WDFY4: variants seen among roughly 807,000 people sequenced by gnomAD.
WDFY4 encodes WD repeat- and FYVE domain-containing protein 4.
In WDFY4, 169 loss-of-function variants were observed where a neutral mutation model predicts 351.9. That is an observed-to-expected ratio of 0.48 (90% CI 0.42 to 0.55). The LOEUF is 0.55. WDFY4 is among the 20% of genes least tolerant of loss of function. WDFY4 has a pLI of 0.00. For missense variants in WDFY4, 3,803 were observed against 3,935.6 expected, an observed-to-expected ratio of 0.97 and a Z score of 0.90; for synonymous variants, 1,622 against 1,574.6, an observed-to-expected ratio of 1.03 and a Z score of -0.71.
intron 23 of WDFY4, among the ~76,000 whole-genome samples, chr10:48,792,635 T>C (rs1417038844): frequency 6.6e-6 from 1 of 152,206 alleles, no homozygotes; most frequent in Non-Finnish European, 1.5e-5. Context: ...TGTGACAATT[T>C]CTAAAAAGGC....
chr10:48,852,783 T>A (rs1169735633), intron 39 of WDFY4, among the ~76,000 whole-genome samples: 2 of 152,210 alleles, frequency 1.3e-5, no homozygotes, highest in African/African-American at 2.4e-5. Flanking sequence ...CTTCATGGGC[T>A]GTGTGTCCCA....
At chr10:48,885,616 C>T (rs973817968) in intron 43 of WDFY4, among the ~76,000 whole-genome samples, 2 of 152,144 alleles carry the variant, frequency 1.3e-5, no homozygotes, top group African/African-American at 4.8e-5. Flanking sequence ...CTGAGATGTA[C>T]TTACGTGAAA....
chr10:48,928,734 G>A (rs571810014), intron 47 of WDFY4, among the ~76,000 whole-genome samples: 1 of 152,282 alleles, frequency 6.6e-6, no homozygotes, highest in East Asian at 1.9e-4. Flanking sequence ...CCCATCTGCC[G>A]CAGGACAGCT....
intron 12 of WDFY4, among the ~76,000 whole-genome samples, chr10:48,759,233 T>G (rs2065426386): frequency 6.6e-6 from 1 of 152,200 alleles, no homozygotes; most frequent in Non-Finnish European, 1.5e-5. Flanking sequence ...TAGGGTCAGA[T>G]GCACATACAC....
At chr10:48,832,274 A>G (rs2068215525) in intron 38 of WDFY4, among the ~76,000 whole-genome samples, 1 of 152,254 alleles carries the variant, frequency 6.6e-6, no homozygotes, top group African/African-American at 2.4e-5. Context: ...CCCATTTCAC[A>G]GGATGAGAAA....
chr10:48,700,072 T>C (rs1274642164), intron 1 of WDFY4, among the ~76,000 whole-genome samples: 1 of 152,224 alleles, frequency 6.6e-6, no homozygotes, highest in African/African-American at 2.4e-5. Context: ...TTAGAACCAC[T>C]GCTTTTCAGA....
chr10:48,787,862 TTCTTCTTTCTTCTTTCTTTCTTCTTCTTC>T (rs2066473780), intron 20 of WDFY4, among the ~76,000 whole-genome samples: 1 of 135,806 alleles, frequency 7.4e-6, no homozygotes, highest in African/African-American at 3.4e-5. Flanking sequence ...TTCTTCTTTC[TTCTTCTTTCTTCTTTCTTTCTTCTTCTTC>T]TCCTTCTTCT....
intron 39 of WDFY4, among the ~76,000 whole-genome samples, chr10:48,856,500 AG>A (rs1456646632): frequency 6.6e-6 from 1 of 152,062 alleles, no homozygotes; most frequent in Non-Finnish European, 1.5e-5. Context: ...TTATACTTTA[AG>A]TTCTGGAGTT....
At chr10:48,946,764 T>C (rs1223197929) in intron 50 of WDFY4, 96 bp from the exon 51 acceptor site, 5 of 903,118 alleles carry the variant, frequency 5.5e-6, no homozygotes, top group Non-Finnish European at 8.7e-6. Flanking sequence ...TGAATATATG[T>C]TTTTAATGCC....
intron 1 of WDFY4, among the ~76,000 whole-genome samples, chr10:48,703,328 C>G (rs528234335): frequency 6.6e-6 from 1 of 152,334 alleles, no homozygotes; most frequent in African/African-American, 2.4e-5. Flanking sequence ...GCATGCGAAG[C>G]CACTATTCTA....
chr10:48,778,221 A>T (rs911039202), intron 17 of WDFY4, among the ~76,000 whole-genome samples: 1 of 152,224 alleles, frequency 6.6e-6, no homozygotes, highest in East Asian at 1.9e-4. Flanking sequence ...AGGACACAGC[A>T]GCTGATCCTG....
chr10:48,966,852 G>A (rs940116790), intron 55 of WDFY4, 179 bp downstream of exon 55: 10 of 846,364 alleles, frequency 1.2e-5, no homozygotes, highest in Admixed American at 6.1e-5. Flanking sequence ...GAAGTGTCTA[G>A]GAGCTCCTCT....
chr10:48,842,935 T>C (rs1234419311), intron 39 of WDFY4, among the ~76,000 whole-genome samples: 5 of 152,168 alleles, frequency 3.3e-5, no homozygotes, highest in Non-Finnish European at 5.9e-5. Flanking sequence ...CTTTTGGCCA[T>C]GCAGCCTCCC....
At chr10:48,795,555 G>T in intron 23 of WDFY4, among the ~76,000 whole-genome samples, 1 of 139,782 alleles carries the variant, frequency 7.2e-6, no homozygotes, top group Admixed American at 7.3e-5. Flanking sequence ...GAATAGTCTG[G>T]AAAGATATTG....
chr10:48,786,319 A>T (rs2066403668), intron 19 of WDFY4, among the ~76,000 whole-genome samples: 1 of 152,242 alleles, frequency 6.6e-6, no homozygotes, highest in Non-Finnish European at 1.5e-5. Flanking sequence ...TATTGTTCAT[A>T]CATAAAACTA....
At position 48,982,540 on chromosome 10, in the gene WDFY4, A is replaced by G. The variant is rs1475594157; in HGVS notation, c.9520A>G (p.Arg3174Gly). Reference sequence around the variant, plus strand: ...CACCAAACTCCTGGTTGGTGATGAGAGGGGGAGAATATTCTGCTGGTCTGC... The same window carrying G: ...CACCAAACTCCTGGTTGGTGATGAGGGGGGGAGAATATTCTGCTGGTCTGC... The part of the protein sequence containing the change: ...NHTKLLVGDE[R>G]GRIFCWSADG Residue 3174 changes from arginine (R) to glycine (G), a missense_variant, in exon 62 of 62, where the codon AGG (arginine) becomes GGG (glycine). Physicochemically the swap from Arg to Gly is moderately radical, Grantham distance 125. Transcript: ENST00000325239. The G allele has an allele frequency of 6.5e-7, 1 of 1,537,326 alleles. No individual in the cohort carries two copies. Among genetic ancestry groups the G allele is most frequent in the Non-Finnish European group, 8.8e-7 (1 of 1,137,886 alleles).
chr10:48,758,984 T>C (rs115274460), intron 12 of WDFY4, among the ~76,000 whole-genome samples: 58 of 152,286 alleles, frequency 3.8e-4, no homozygotes, highest in African/African-American at 1.3e-3. Flanking sequence ...ACATTTTGAA[T>C]CTTATCTTAT....
chr10:48,792,553 A>C (rs2066719597), intron 23 of WDFY4, among the ~76,000 whole-genome samples: 1 of 152,214 alleles, frequency 6.6e-6, no homozygotes, highest in Non-Finnish European at 1.5e-5. Context: ...ATGCTGTTAA[A>C]GATAATAGTA....
intron 47 of WDFY4, among the ~76,000 whole-genome samples, chr10:48,912,964 C>G (rs1838141642): frequency 6.6e-6 from 1 of 152,250 alleles, no homozygotes; most frequent in South Asian, 2.1e-4. Context: ...CTCTGAGATT[C>G]CTTGCCTTTG....
Sources: gnomAD v4.1 joint callset for allele counts (sites outside exome capture counted in the v4.1 genomes callset) on GRCh38, gnomAD v4.1.1 for gene constraint, MANE v1.5 for transcripts, NCBI Gene and HGNC (gene_info 2026-07-23, HGNC 2026-07-21) for gene names.